The following TMEM192 variants were observed in gnomAD, a reference collection of about 807,000 sequenced individuals.
The protein encoded by TMEM192 is transmembrane protein 192.
In TMEM192, 20 loss-of-function variants were observed where a neutral mutation model predicts 26.7. The ratio of observed to expected loss-of-function variants is 0.75; its 90% confidence interval spans 0.53 to 1.09. The LOEUF is 1.09. Among genes scored for constraint, TMEM192 ranks in the 50% least tolerant of loss-of-function variants. The pLI, the probability that TMEM192 is intolerant of heterozygous loss-of-function variation, is 0.00. For synonymous variants in TMEM192, 124 were observed against 121.0 expected, an observed-to-expected ratio of 1.02 and a Z score of -0.16; for missense variants, 304 against 322.6, an observed-to-expected ratio of 0.94 and a Z score of 0.44.
chr4:165,081,454 G>A (rs1204426580), intron 5 of TMEM192, among the ~76,000 whole-genome samples: 2 of 139,588 alleles, frequency 1.4e-5, no homozygotes, highest in African/African-American at 5.3e-5. Flanking sequence ...TGCGATCTCA[G>A]CTCACTGCAA....
chr4:165,084,123 G>GTTTTT (rs1006268153), intron 5 of TMEM192, among the ~76,000 whole-genome samples: 1 of 151,756 alleles, frequency 6.6e-6, no homozygotes, highest in East Asian at 1.9e-4. Context: ...GCCCAGTCAT[G>GTTTTT]TTTTTTTCTT....
chr4:165,108,668 T>C (rs1735224269), intron 1 of TMEM192, among the ~76,000 whole-genome samples: 1 of 152,172 alleles, frequency 6.6e-6, no homozygotes, highest in African/African-American at 2.4e-5. Context: ...CCAATCCTTT[T>C]AGGTGGTTCT....
At position 165,072,406 on chromosome 4, in the gene TMEM192, A is replaced by G. The variant is rs28698808; in HGVS notation, c.*7252T>C. On this transcript the variant is annotated 3_prime_UTR_variant, in exon 6 of 6. Transcript: ENST00000306480. ...CCCCTTTCTACTAAAAATATAAAAA[A>G]ATTAGCTGGGTGTGGTGGTATGTGC... 0.85 allele frequency: 128,097 copies of G among 151,298 alleles called. 55,428 individuals are homozygous for G. Among genetic ancestry groups the G allele is most frequent in the East Asian group, 0.94 (4,790 of 5,108 alleles). 9.4% of individuals were successfully genotyped at this position (151,298 alleles called of 1,614,324 possible). A position where few individuals can be genotyped will look rare whatever the true frequency, so the allele number is the denominator to read the frequency against.
chr4:165,099,722 T>G lies in TMEM192; in HGVS notation c.439+906A>C, dbSNP rs536629446. Among the ~76,000 whole-genome samples, 5 of 152,226 alleles carry G rather than the reference T, an allele frequency of 3.3e-5. No homozygotes were observed. In the South Asian group the frequency reaches 1.0e-3, roughly 32 times the overall value. On this transcript the variant is annotated intron_variant, in intron 3 of 5. Transcript: ENST00000306480. ...CTTTGGGAGCCTGAGGCAGGAGGGT[T>G]GTTTGAGGCCAGGAGTTCCAGTGAC...
chr4:165,093,874 C>G (rs1041155343), intron 3 of TMEM192, among the ~76,000 whole-genome samples: 3 of 152,138 alleles, frequency 2.0e-5, no homozygotes, highest in Non-Finnish European at 4.4e-5. Context: ...CGCCACGCCA[C>G]CATGCCCAGC....
chr4:165,100,486 C>T, intron 3 of TMEM192, 142 bp downstream of exon 3: 1 of 1,011,912 alleles, frequency 9.9e-7, no homozygotes, highest in Non-Finnish European at 1.4e-6. Flanking sequence ...TTAAGGTGAT[C>T]CAAATTTTAG....
rs1269502859 is a variant in TMEM192, at chr4:165,079,337, T to C, written c.*321A>G. ...TATCCATAATGAAATCATTACAGGG[T>C]TCTAATGTCAGGTGGAAAAGTGTTG... On this transcript the variant is annotated 3_prime_UTR_variant, in exon 6 of 6. Coordinates refer to ENST00000306480, the MANE Select transcript of TMEM192 (RefSeq NM_001100389.2). 3 of 233,908 alleles carry C rather than the reference T, an allele frequency of 1.3e-5. No individual in the cohort carries two copies. The highest frequency in any genetic ancestry group is 2.5e-5 in the Non-Finnish European group (3 of 121,894). 14.5% of individuals were successfully genotyped at this position (233,908 alleles called of 1,614,324 possible).
At chr4:165,095,625 C>T (rs78150744) in intron 3 of TMEM192, among the ~76,000 whole-genome samples, 3 of 152,146 alleles carry the variant, frequency 2.0e-5, no homozygotes, top group Non-Finnish European at 4.4e-5. Flanking sequence ...TCCTCAGCCT[C>T]TGGCTTTACA....
chr4:165,100,529 A>G (rs1024496847), intron 3 of TMEM192, 99 bp downstream of exon 3: 9 of 1,358,752 alleles, frequency 6.6e-6, no homozygotes, highest in Non-Finnish European at 9.0e-6. Flanking sequence ...TACAAAAATG[A>G]GAGAATATAT....
intron 3 of TMEM192, among the ~76,000 whole-genome samples, chr4:165,090,910 CAAAAAAAAA>C (rs70952700): frequency 2.0e-5 from 1 of 51,022 alleles, no homozygotes; most frequent in South Asian, 1.3e-3. Context: ...GACTCTGTCT[CAAAAAAAAA>C]AAAAAAAAAA....
At chr4:165,101,735 A>C (rs760323975) in intron 2 of TMEM192, among the ~76,000 whole-genome samples, 37 of 152,172 alleles carry the variant, frequency 2.4e-4, no homozygotes, top group Non-Finnish European at 4.6e-4. Context: ...GCCATACCAC[A>C]GCTACTAGTT....
At position 165,071,186 on chromosome 4, in the gene TMEM192, CAAAAT is replaced by C. The variant is rs1487987263; in HGVS notation, c.*8467_*8471del. On this transcript the variant is annotated 3_prime_UTR_variant, in exon 6 of 6. Coordinates refer to ENST00000306480, the MANE Select transcript of TMEM192 (RefSeq NM_001100389.2). ...GCACAGAGAGTAACAACATTAATAA[CAAAAT>C]AGAATAATTATAGCAATATACTATA... 2.6e-5 allele frequency: 4 copies of C among 151,618 alleles called. No homozygotes were observed. Among genetic ancestry groups the C allele is most frequent in the Admixed American group, 1.3e-4 (2 of 15,162 alleles). The allele number at this position is 151,618 out of a possible 1,614,324, so 9.4% of individuals were successfully genotyped here.
At chr4:165,080,099 A>G (rs1037059970) in intron 5 of TMEM192, among the ~76,000 whole-genome samples, 9 of 152,226 alleles carry the variant, frequency 5.9e-5, no homozygotes, top group Admixed American at 5.9e-4. Flanking sequence ...AGTATAAGTA[A>G]TCAACTTAAA....
intron 1 of TMEM192, among the ~76,000 whole-genome samples, chr4:165,103,867 T>C (rs1372341376): frequency 1.3e-5 from 2 of 152,038 alleles, no homozygotes; most frequent in African/African-American, 4.8e-5. Context: ...AGGGTTTCAC[T>C]GTGTTGGCCA....
intron 4 of TMEM192, 55 bp downstream of exon 4, chr4:165,088,413 G>A (rs1734675553): frequency 8.3e-6 from 13 of 1,560,102 alleles, no homozygotes; most frequent in Non-Finnish European, 1.0e-5. Flanking sequence ...TTTAAACTGG[G>A]AGGAAAGGAA....
intron 1 of TMEM192, among the ~76,000 whole-genome samples, chr4:165,108,128 TTTTTTTTTTTTG>T (rs1305549380): frequency 2.9e-5 from 2 of 68,304 alleles, no homozygotes; most frequent in South Asian, 5.0e-4. Flanking sequence ...TTTTTTTTTT[TTTTTTTTTTTTG>T]GAGATGTAGT....
intron 1 of TMEM192, 127 bp downstream of exon 1, chr4:165,112,620 G>GGCGCCCCCTTCGGCC: frequency 7.2e-7 from 1 of 1,387,072 alleles, no homozygotes; most frequent in Non-Finnish European, 9.8e-7. Flanking sequence ...GGGCACAGGC[G>GGCGCCCCCTTCGGCC]GCGCCCCCTT....
rs752729383 is a variant in TMEM192 at position 165,085,547 on chromosome 4, G to A, written c.677+39C>T. On this transcript the variant is annotated intron_variant, in intron 5 of 5. Transcript: ENST00000306480. The stretch of plus-strand genomic sequence containing the variant: ...TCAGAATGGTTTCTAGCTTTCTAGG[G>A]GAAAAAACTCAATTATTTTATTCTC... 18 of 1,381,314 alleles carry A rather than the reference G, an allele frequency of 1.3e-5. No individual in the cohort carries two copies. In the East Asian group the frequency reaches 2.5e-4, roughly 19 times the overall value. 85.6% of individuals were successfully genotyped at this position (1,381,314 alleles called of 1,614,324 possible). A position where few individuals can be genotyped will look rare whatever the true frequency, so the allele number is the denominator to read the frequency against.
chr4:165,081,711 G>T (rs1734526892), intron 5 of TMEM192, among the ~76,000 whole-genome samples: 2 of 32,762 alleles, frequency 6.1e-5, no homozygotes, highest in African/African-American at 1.1e-4. Flanking sequence ...CTTGCTCTGT[G>T]GCCCAGGCTG....
Sources: gnomAD v4.1 joint callset for allele counts (sites outside exome capture counted in the v4.1 genomes callset) on GRCh38, gnomAD v4.1.1 for gene constraint, MANE v1.5 for transcripts, NCBI Gene and HGNC (gene_info 2026-07-23, HGNC 2026-07-21) for gene names.